DCAF6: variants seen among roughly 807,000 people sequenced by gnomAD.
DCAF6 encodes DDB1- and CUL4-associated factor 6.
Under a neutral mutation model 125.1 loss-of-function variants are expected in DCAF6, and 54 were observed. The ratio of observed to expected loss-of-function variants is 0.43; its 90% confidence interval spans 0.35 to 0.54. DCAF6 has a LOEUF of 0.54. Ranked by LOEUF, DCAF6 falls within the 20% of genes least tolerant of loss-of-function variation. The pLI, the probability that DCAF6 is intolerant of heterozygous loss-of-function variation, is 0.01. For missense variants in DCAF6, 934 were observed against 1,161.7 expected, an observed-to-expected ratio of 0.80 and a Z score of 2.85; for synonymous variants, 371 against 390.4, an observed-to-expected ratio of 0.95 and a Z score of 0.58.
intron 10 of DCAF6, among the ~76,000 whole-genome samples, chr1:168,014,846 T>C (rs578142239): frequency 1.3e-5 from 2 of 152,336 alleles, no homozygotes; most frequent in Admixed American, 6.5e-5. Context: ...GAGGTGTTTG[T>C]TCAAGTGGTG....
At position 168,004,425 on chromosome 1, in the gene DCAF6, T is replaced by C. The variant is rs530113426; in HGVS notation, c.1118-108T>C. The C allele has an allele frequency of 3.5e-4, 428 of 1,216,552 alleles. 1 individual carries two copies. Among genetic ancestry groups the C allele is most frequent in the South Asian group, 6.0e-4 (41 of 68,200 alleles). 75.4% of individuals were successfully genotyped at this position (1,216,552 alleles called of 1,614,324 possible). ...CCAGTAGTTATTATCACTGAAATTA[T>C]ATATTTGTGTGTGTAAATATAAATG... On this transcript the variant is annotated intron_variant, in intron 9 of 21. Transcript: ENST00000367840.
rs984368835 is a variant in DCAF6 at position 168,075,686 on chromosome 1, A to G, written c.*251A>G. 5.8e-6 allele frequency: 2 copies of G among 347,062 alleles called. No homozygotes were observed. The highest frequency in any genetic ancestry group is 1.0e-5 in the Non-Finnish European group (2 of 193,920). 21.5% of individuals were successfully genotyped at this position (347,062 alleles called of 1,614,324 possible). A position where few individuals can be genotyped will look rare whatever the true frequency, so the allele number is the denominator to read the frequency against. The stretch of plus-strand genomic sequence containing the variant: ...AGGAGTGCTAGAAAATGCAAAGTGC[A>G]ATATTTTCCCTAACCTTCAAATGTG... On this transcript the variant is annotated 3_prime_UTR_variant, in exon 22 of 22. Transcript: ENST00000367840.
chr1:167,895,456 T>G, the DCAF6 span, among the ~76,000 whole-genome samples: 1 of 152,170 alleles, frequency 6.6e-6, no homozygotes, highest in Admixed American at 6.5e-5. Context: ...TCTAAAATAC[T>G]CCAGACCTGT....
At chr1:167,977,449 A>G (rs1425644867) in intron 4 of DCAF6, among the ~76,000 whole-genome samples, 1 of 152,120 alleles carries the variant, frequency 6.6e-6, no homozygotes. Flanking sequence ...GCAAAGTCAG[A>G]CATCAGTCTA....
At chr1:168,028,542 A>C (rs1462346076) in intron 12 of DCAF6, among the ~76,000 whole-genome samples, 2 of 152,164 alleles carry the variant, frequency 1.3e-5, no homozygotes, top group African/African-American at 4.8e-5. Flanking sequence ...ATAAACACTA[A>C]TTTGTAGGTA....
At chr1:168,044,482 T>C (rs1688915756) in intron 14 of DCAF6, 103 bp from the exon 15 acceptor site, 11 of 753,272 alleles carry the variant, frequency 1.5e-5, no homozygotes, top group Non-Finnish European at 9.5e-6. Context: ...TATGCCATTA[T>C]ATATGAGGGA....
intron 4 of DCAF6, among the ~76,000 whole-genome samples, chr1:167,976,387 TG>T (rs1457791874): frequency 6.6e-6 from 1 of 152,142 alleles, no homozygotes; most frequent in African/African-American, 2.4e-5. Flanking sequence ...GAGAATTGCT[TG>T]AACAACCTGG....
chr1:168,063,448 A>G (rs1023116525), intron 17 of DCAF6, among the ~76,000 whole-genome samples, 173 bp from the exon 18 acceptor site: 4 of 152,130 alleles, frequency 2.6e-5, no homozygotes, highest in Non-Finnish European at 5.9e-5. Context: ...TAGTAACTCA[A>G]CTAGTCTGAC....
rs1230933568 is a variant in DCAF6 at position 168,002,475 on chromosome 1, T to A, written c.904-7T>A. 1 of 1,612,410 alleles carries A rather than the reference T, an allele frequency of 6.2e-7. No individual in the cohort carries two copies. Among genetic ancestry groups the A allele is most frequent in the South Asian group, 1.1e-5 (1 of 91,010 alleles). ...TTACATAGAATTTACCCGTTCTTAT[T>A]TTTTAGTTGCGACAACCACCAGTTA... On this transcript the variant is annotated splice_region_variant and splice_polypyrimidine_tract_variant and intron_variant, in intron 7 of 21. Coordinates refer to ENST00000367840, the MANE Select transcript of DCAF6 (RefSeq NM_001198956.2).
At chr1:167,978,440 C>T (rs1428674709) in intron 4 of DCAF6, among the ~76,000 whole-genome samples, 6 of 152,148 alleles carry the variant, frequency 3.9e-5, no homozygotes, top group Admixed American at 3.9e-4. Context: ...CCATTTGCCT[C>T]TCTGTGCTGA....
chr1:168,043,115 A>T lies in DCAF6; in HGVS notation c.1818A>T (p.Gln606His). 1 of 1,612,692 alleles carries T rather than the reference A, an allele frequency of 6.2e-7. No homozygotes were observed. Among genetic ancestry groups the T allele is most frequent in the Non-Finnish European group, 8.5e-7 (1 of 1,179,212 alleles). ...EESFVPQSSV[Q>H]PPEGDSETKA... ...CTTTCGTCCCACAGAGCTCAGTGCAACCACCAGAAGGAGACAGTGAAACAA... is the reference window on the plus strand; with the variant it reads ...CTTTCGTCCCACAGAGCTCAGTGCATCCACCAGAAGGAGACAGTGAAACAA... Residue 606 changes from glutamine (Q) to histidine (H), a missense_variant, in exon 14 of 22, where the codon CAA (glutamine) becomes CAT (histidine). This residue lies in a region of DCAF6 where 559 missense variants were observed against 635.5 expected (regional missense o/e 0.88). Coordinates refer to ENST00000367840, the MANE Select transcript of DCAF6 (RefSeq NM_001198956.2).
chr1:168,030,428 A>AT, intron 12 of DCAF6, among the ~76,000 whole-genome samples: 1 of 152,316 alleles, frequency 6.6e-6, no homozygotes, highest in East Asian at 1.9e-4. Context: ...TCGCATTTTT[A>AT]TTTTAAGAAC....
At chr1:167,941,661 G>T (rs1250538571) in intron 1 of DCAF6, among the ~76,000 whole-genome samples, 1 of 152,150 alleles carries the variant, frequency 6.6e-6, no homozygotes, top group East Asian at 1.9e-4. Context: ...GTTCTAGATG[G>T]TGTGTAGTTC....
intron 17 of DCAF6, 73 bp from the exon 18 acceptor site, chr1:168,063,548 T>C (rs1691880362): frequency 7.9e-7 from 1 of 1,272,298 alleles, no homozygotes. Context: ...CTTACTATAT[T>C]TTCATAAGTT....
chr1:168,039,688 A>G (rs995297962), intron 13 of DCAF6, among the ~76,000 whole-genome samples: 5 of 144,500 alleles, frequency 3.5e-5, no homozygotes, highest in African/African-American at 5.3e-5. Flanking sequence ...ATATTAATAT[A>G]TTAAATATTT....
At chr1:167,872,436 T>A in the DCAF6 span, among the ~76,000 whole-genome samples, 1 of 151,678 alleles carries the variant, frequency 6.6e-6, no homozygotes, top group Non-Finnish European at 1.5e-5. Flanking sequence ...GAACACCTAC[T>A]GGTAGAACCT....
At chr1:168,049,898 G>A (rs1159757480) in intron 16 of DCAF6, among the ~76,000 whole-genome samples, 13 of 146,510 alleles carry the variant, frequency 8.9e-5, no homozygotes, top group East Asian at 2.1e-4. Context: ...CTCGTGATCC[G>A]CCTGCCTCAG....
At chr1:167,926,283 C>G in the DCAF6 span, among the ~76,000 whole-genome samples, 3 of 152,210 alleles carry the variant, frequency 2.0e-5, no homozygotes, top group African/African-American at 7.2e-5. Flanking sequence ...GATGTTCTTA[C>G]AACTGAGTGA....
At chr1:167,896,349 G>T in the DCAF6 span, among the ~76,000 whole-genome samples, 1 of 152,202 alleles carries the variant, frequency 6.6e-6, no homozygotes, top group Non-Finnish European at 1.5e-5. Flanking sequence ...TATCCTAGGG[G>T]ATACTTATTA....
Sources: gnomAD v4.1 joint callset for allele counts (sites outside exome capture counted in the v4.1 genomes callset) on GRCh38, gnomAD v4.1.1 for gene constraint, gnomAD v4.1.1 regional missense constraint, MANE v1.5 for transcripts, NCBI Gene and HGNC (gene_info 2026-07-23, HGNC 2026-07-21) for gene names.